The following RBPJ variants were observed in gnomAD, a reference collection of about 807,000 sequenced individuals.
RBPJ encodes the protein recombination signal binding protein for immunoglobulin kappa J region.
Under a neutral mutation model 67.8 loss-of-function variants are expected in RBPJ, and 9 were observed. The ratio of observed to expected loss-of-function variants is 0.13; its 90% CI spans 0.08 to 0.23. The LOEUF (loss-of-function observed/expected upper bound fraction) is 0.23. Among genes scored for constraint, RBPJ ranks in the 10% least tolerant of loss-of-function variants. The probability of loss-of-function intolerance (pLI) is 1.00; values close to 1 mark genes in which losing one functional copy is unlikely to be tolerated. For missense variants in RBPJ, 305 were observed against 595.6 expected (o/e 0.51, Z 5.08); for synonymous variants, 198 against 203.3 (o/e 0.97, Z 0.22).
chr4:26,197,503 C>T (rs533217500), intron 1 of RBPJ, among the ~76,000 whole-genome samples: 6 of 152,248 alleles, frequency 3.9e-5, no homozygotes, highest in African/African-American at 1.2e-4. Context: ...AGAACTTTGT[C>T]AGTGGTCCCA....
intron 1 of RBPJ, among the ~76,000 whole-genome samples, chr4:26,369,959 T>C (rs552763754): frequency 1.6e-4 from 25 of 152,290 alleles, no homozygotes; most frequent in African/African-American, 6.0e-4. Context: ...TGTAAAAGAA[T>C]AGTATGTGAA....
chr4:26,350,958 C>A (rs1475164923), intron 1 of RBPJ, among the ~76,000 whole-genome samples: 1 of 152,084 alleles, frequency 6.6e-6, no homozygotes, highest in Non-Finnish European at 1.5e-5. Context: ...TGATTTTAAC[C>A]CATTTATGCC....
At chr4:26,386,304 G>A in intron 1 of RBPJ, 49 bp from the exon 2 acceptor site, 1 of 1,305,258 alleles carries the variant, frequency 7.7e-7, no homozygotes, top group Non-Finnish European at 1.1e-6. Flanking sequence ...TCTGTAGAGT[G>A]TATCATAAAG....
At chr4:26,232,028 A>G (rs1719306810) in intron 1 of RBPJ, among the ~76,000 whole-genome samples, 1 of 151,398 alleles carries the variant, frequency 6.6e-6, no homozygotes, top group African/African-American at 2.4e-5. Flanking sequence ...AGTATCTGGG[A>G]CTACAGGCAT....
At chr4:26,170,190 C>T (rs566935311) in intron 1 of RBPJ, among the ~76,000 whole-genome samples, 7 of 151,984 alleles carry the variant, frequency 4.6e-5, no homozygotes, top group Non-Finnish European at 7.4e-5. Flanking sequence ...AACTGTAGAC[C>T]GGAGCTGTTC....
chr4:26,169,676 G>T (rs1305425165), intron 1 of RBPJ, among the ~76,000 whole-genome samples: 1 of 152,232 alleles, frequency 6.6e-6, no homozygotes, highest in Non-Finnish European at 1.5e-5. Flanking sequence ...TGCCCCCAGA[G>T]GTGGAGCCTA....
At chr4:26,107,443 G>A in the RBPJ span, among the ~76,000 whole-genome samples, 6 of 152,192 alleles carry the variant, frequency 3.9e-5, no homozygotes, top group African/African-American at 7.2e-5. Context: ...CACTTCAAAT[G>A]TTTGGCTTCT....
At chr4:26,265,648 A>G (rs1171222492) in intron 1 of RBPJ, among the ~76,000 whole-genome samples, 1 of 152,214 alleles carries the variant, frequency 6.6e-6, no homozygotes, top group Admixed American at 6.5e-5. Context: ...TCTTAACACA[A>G]TTCAATTTCT....
intron 1 of RBPJ, among the ~76,000 whole-genome samples, chr4:26,289,663 G>A (rs1189324842): frequency 1.3e-5 from 2 of 150,482 alleles, no homozygotes; most frequent in East Asian, 2.0e-4. Context: ...TCAATCACAC[G>A]CTTGCAAAAG....
intron 1 of RBPJ, among the ~76,000 whole-genome samples, chr4:26,310,732 C>T (rs746294562): frequency 6.7e-6 from 1 of 149,270 alleles, no homozygotes; most frequent in South Asian, 2.1e-4. Context: ...CGCAATGGCA[C>T]GATCTTGGCT....
At chr4:26,296,316 T>A (rs1055435818) in intron 1 of RBPJ, among the ~76,000 whole-genome samples, 6 of 152,150 alleles carry the variant, frequency 3.9e-5, no homozygotes, top group African/African-American at 1.4e-4. Context: ...TTTTTAGCAT[T>A]AGGTAGCTGG....
At chr4:26,383,647 ACTATT>A (rs1184924580) in intron 1 of RBPJ, among the ~76,000 whole-genome samples, 1 of 152,184 alleles carries the variant, frequency 6.6e-6, no homozygotes, top group Non-Finnish European at 1.5e-5. Flanking sequence ...GCTTTTGTAC[ACTATT>A]CTATATATAA....
At chr4:26,164,746 C>T (rs1211692525) in intron 1 of RBPJ, among the ~76,000 whole-genome samples, 3 of 152,072 alleles carry the variant, frequency 2.0e-5, no homozygotes, top group Non-Finnish European at 2.9e-5. Context: ...TAGAACTGCA[C>T]AAAAAGAGTT....
the RBPJ span, among the ~76,000 whole-genome samples, chr4:26,122,059 A>T: frequency 6.6e-6 from 1 of 152,150 alleles, no homozygotes; most frequent in Non-Finnish European, 1.5e-5. Context: ...TGACCCAAGC[A>T]AGGCTAATCA....
chr4:26,333,650 G>A (rs1430216359), intron 1 of RBPJ, among the ~76,000 whole-genome samples: 1 of 151,922 alleles, frequency 6.6e-6, no homozygotes, highest in Non-Finnish European at 1.5e-5. Flanking sequence ...TCATCCTCCT[G>A]AGTACCTGAG....
intron 1 of RBPJ, among the ~76,000 whole-genome samples, chr4:26,348,686 T>G (rs191143766): frequency 2.2e-3 from 335 of 152,140 alleles, no homozygotes; most frequent in Non-Finnish European, 3.6e-3. Flanking sequence ...AGTTTGGTTG[T>G]TTTTTGATTT....
chr4:26,268,380 C>G (rs2109259137), intron 1 of RBPJ, among the ~76,000 whole-genome samples: 2 of 152,272 alleles, frequency 1.3e-5, no homozygotes, highest in Middle Eastern at 3.4e-3. Flanking sequence ...GAGTCCTTCT[C>G]TCCAATACCA....
At chr4:26,197,850 G>A (rs190890179) in intron 1 of RBPJ, among the ~76,000 whole-genome samples, 1 of 152,248 alleles carries the variant, frequency 6.6e-6, no homozygotes, top group Non-Finnish European at 1.5e-5. Flanking sequence ...TGAAGGGGGA[G>A]CAGAGAGAAA....
intron 2 of RBPJ, among the ~76,000 whole-genome samples, chr4:26,397,920 A>C (rs1039117514): frequency 2.6e-4 from 39 of 152,216 alleles, no homozygotes; most frequent in African/African-American, 9.4e-4. Context: ...GGCGTGAGCC[A>C]CCTTGCCCGG....
Sources: gnomAD v4.1 joint callset for allele counts (sites outside exome capture counted in the v4.1 genomes callset) on GRCh38, gnomAD v4.1.1 for gene constraint, MANE v1.5 for transcripts, NCBI Gene and HGNC (gene_info 2026-07-23, HGNC 2026-07-21) for gene names.